ABCA1: variants seen among roughly 807,000 people sequenced by gnomAD.
The protein encoded by ABCA1 is phospholipid-transporting ATPase ABCA1.
In ABCA1, 133 loss-of-function variants were observed where a neutral mutation model predicts 262.5. That is an observed-to-expected ratio of 0.51 (90% confidence interval 0.44 to 0.59). The LOEUF (loss-of-function observed/expected upper bound fraction) is 0.59. Among genes scored for constraint, ABCA1 ranks in the 20% least tolerant of loss-of-function variants. The pLI is 0.00. For missense variants in ABCA1, 2,452 were observed against 2,777.5 expected (o/e 0.88, Z 2.63); for synonymous variants, 1,022 against 1,043.5 (o/e 0.98, Z 0.40).
chr9:104,841,522 G>A (rs1401879356), intron 8 of ABCA1, among the ~76,000 whole-genome samples: 1 of 152,182 alleles, frequency 6.6e-6, no homozygotes, highest in Non-Finnish European at 1.5e-5. Flanking sequence ...CCTTTGAAAA[G>A]TCACGTCATG....
intron 31 of ABCA1, 50 bp downstream of exon 31, chr9:104,806,191 C>G (rs747090799): frequency 6.4e-7 from 1 of 1,572,532 alleles, no homozygotes; most frequent in East Asian, 2.2e-5. Flanking sequence ...CGGAAGCTAC[C>G]AGCCCATCCT....
At chr9:104,862,849 C>T (rs1937540002) in intron 5 of ABCA1, among the ~76,000 whole-genome samples, 1 of 148,710 alleles carries the variant, frequency 6.7e-6, no homozygotes, top group South Asian at 2.2e-4. Flanking sequence ...TTGACAAACA[C>T]TGGCAGAGTG....
In ABCA1 at chr9:104,830,951, C is replaced by T; in HGVS notation, c.1866G>A (p.Met622Ile). The T allele has an allele frequency of 6.2e-7, 1 of 1,613,904 alleles. No individual in the cohort carries two copies. The highest frequency in any genetic ancestry group is 8.5e-7 in the Non-Finnish European group (1 of 1,179,964). ...EKKTGVYMQQ[M>I]PYPCYVDDIF... ...TGTCATCAACGTAACAGGGATAGGG[C>T]ATCTGTTGCATATAGACACCAGTTT... The change falls in exon 14 of 50, where the codon ATG (methionine) becomes ATA (isoleucine). Residue 622 changes from methionine to isoleucine, a missense_variant. Coordinates refer to ENST00000374736, the MANE Select transcript of ABCA1 (RefSeq NM_005502.4).
chr9:104,911,174 C>T lies in ABCA1; in HGVS notation c.-92-7403G>A, dbSNP rs1841474216. ...TGGATTTAACTACATCAGATATGAA[C>T]TGAAAATACATTGGTGCCAAAGCTC... On this transcript the variant is annotated intron_variant, in intron 1 of 49. Transcript: ENST00000374736. Among the ~76,000 whole-genome samples, 3 of 152,298 alleles carry T rather than the reference C, an allele frequency of 2.0e-5. No homozygotes were observed. The South Asian group carries it at 6.2e-4, about 32-fold the overall frequency.
At position 104,806,280 on chromosome 9, in the gene ABCA1, A is replaced by G; in HGVS notation, c.4425T>C (p.Pro1475=). The G allele has an allele frequency of 1.9e-6, 3 of 1,613,832 alleles. No homozygotes were observed. Among genetic ancestry groups the G allele is most frequent in the East Asian group, 4.5e-5 (2 of 44,868 alleles). The change falls in exon 31 of 50, where the codon CCT becomes CCC. Residue 1475 remains proline (P), a synonymous_variant. Transcript: ENST00000374736. ...CSSDKIKKML[P]VCPPGAGGLP... is the part of the protein sequence containing the mutation. The stretch of plus-strand genomic sequence containing the variant: ...GCCCCCCTGCCCCTGGGGGACACAC[A>G]GGCAGCATCTTCTTGATTTTGTCGC...
chr9:104,861,995 T>C (rs1836439997), intron 5 of ABCA1, among the ~76,000 whole-genome samples, 195 bp from the exon 6 acceptor site: 1 of 151,956 alleles, frequency 6.6e-6, no homozygotes, highest in Admixed American at 6.6e-5. Context: ...TCTGGTAACA[T>C]GTTGAGCCAC....
chr9:104,787,822 A>G (rs1829056903), intron 46 of ABCA1, 98 bp downstream of exon 46: 1 of 1,612,358 alleles, frequency 6.2e-7, no homozygotes, highest in Admixed American at 1.7e-5. Context: ...GGGGAAGACA[A>G]GCCAATCATA....
At chr9:104,800,418 C>T in intron 35 of ABCA1, 92 bp downstream of exon 35, 3 of 1,213,462 alleles carry the variant, frequency 2.5e-6, no homozygotes, top group South Asian at 1.2e-5. Flanking sequence ...TTGTGAATGC[C>T]CCTGCCAACT....
intron 5 of ABCA1, among the ~76,000 whole-genome samples, chr9:104,879,084 AAG>A (rs1838398688): frequency 6.6e-6 from 1 of 151,742 alleles, no homozygotes; most frequent in Non-Finnish European, 1.5e-5. Flanking sequence ...AAAAAAAAAA[AAG>A]AAAGAAAAGA....
chr9:104,899,510 AT>A (rs749488023), intron 2 of ABCA1, among the ~76,000 whole-genome samples: 6 of 152,090 alleles, frequency 3.9e-5, no homozygotes, highest in Non-Finnish European at 8.8e-5. Flanking sequence ...CCTGGCCAAC[AT>A]GCTAAAACCA....
In ABCA1 at chr9:104,792,911, G is replaced by A. The variant is rs1010244291; in HGVS notation, c.5637-5C>T. ...GATAGCTTTGCATTTACAGGTCTTG[G>A]GGGAAAAAACAAGAAAAATGAACCT... On this transcript the variant is annotated splice_polypyrimidine_tract_variant and splice_region_variant and intron_variant, in intron 41 of 49. Coordinates refer to ENST00000374736, the MANE Select transcript of ABCA1 (RefSeq NM_005502.4). 4 of 1,613,724 alleles carry A rather than the reference G, an allele frequency of 2.5e-6. No homozygotes were observed. Among genetic ancestry groups the A allele is most frequent in the Non-Finnish European group, 3.4e-6 (4 of 1,179,942 alleles).
chr9:104,837,531 G>C lies in ABCA1; in HGVS notation c.1091C>G (p.Ser364Cys), dbSNP rs775035559. Residue 364 changes from serine to cysteine, a missense_variant, in exon 10 of 50, where the codon TCT becomes TGT. By Grantham distance (112) the Ser-to-Cys change is moderately radical (BLOSUM62 -1). Coordinates refer to ENST00000374736, the MANE Select transcript of ABCA1 (RefSeq NM_005502.4). ...YCNDLMKNLE[S>C]SPLSRIIWKA... ...CCAGATAATGCGGGAAAGAGGACTA[G>C]ACTCCAAATTCTTCATCAAATCATT... is the stretch of plus-strand genomic sequence containing the variant. The C allele has an allele frequency of 3.1e-6, 5 of 1,614,028 alleles. No homozygotes were observed. The highest frequency in any genetic ancestry group is 4.2e-6 in the Non-Finnish European group (5 of 1,180,040).
intron 44 of ABCA1, among the ~76,000 whole-genome samples, chr9:104,789,791 TCCA>T (rs1053195119): frequency 9.9e-5 from 15 of 152,066 alleles, no homozygotes; most frequent in Non-Finnish European, 2.1e-4. Context: ...GTACTATCTC[TCCA>T]CATAATAAGT....
At chr9:104,860,331 G>A (rs1440494539) in intron 6 of ABCA1, among the ~76,000 whole-genome samples, 1 of 152,170 alleles carries the variant, frequency 6.6e-6, no homozygotes, top group Admixed American at 6.5e-5. Context: ...TGGAAATTAT[G>A]CTAAATGCAA....
rs375231850 is a variant in ABCA1 at position 104,874,854 on chromosome 9, C to T, written c.421+8185G>A. ...CCAGCCCCCGCCCGGCCAGCCACCC[C>T]GTCCGGGAGGGAGGTGGGGGGCAGC... On this transcript the variant is annotated intron_variant, in intron 5 of 49. Coordinates refer to ENST00000374736, the MANE Select transcript of ABCA1 (RefSeq NM_005502.4). Among the ~76,000 whole-genome samples, 628 of 140,034 alleles carry T rather than the reference C, an allele frequency of 4.5e-3. 9 individuals carry two copies. The highest frequency in any genetic ancestry group is 0.031 in the East Asian group (160 of 5,084). The allele number at this position is 140,034 out of a possible 152,430, so 91.9% of individuals were successfully genotyped here. A position where few individuals can be genotyped will look rare whatever the true frequency, so the allele number is the denominator to read the frequency against.
intron 1 of ABCA1, among the ~76,000 whole-genome samples, chr9:104,924,870 C>T (rs56042940): frequency 0.13 from 19,811 of 152,048 alleles, 1,503 homozygotes; most frequent in Admixed American, 0.24. Context: ...GAAAAATATC[C>T]CAACCAACTC....
Position 104,816,332 on chromosome 9 carries a change from G to T in ABCA1, c.3549C>A (p.Ile1183=). ...SDTLTIDVSA[I]SNLIRKHVSE... ...ACACATGCTTCCTGATGAGGTTGGA[G>T]ATAGCAGAGACATCTGCAGGGACCA... Residue 1183 remains isoleucine, a synonymous_variant, in exon 25 of 50, where the codon ATC becomes ATA. Coordinates refer to ENST00000374736, the MANE Select transcript of ABCA1 (RefSeq NM_005502.4). 1 of 1,613,810 alleles carries T rather than the reference G, an allele frequency of 6.2e-7. No homozygotes were observed. Among genetic ancestry groups the T allele is most frequent in the Admixed American group, 1.7e-5 (1 of 60,014 alleles).
intron 20 of ABCA1, 50 bp downstream of exon 20, chr9:104,821,325 C>T (rs772868442): frequency 1.9e-6 from 3 of 1,599,660 alleles, no homozygotes; most frequent in Non-Finnish European, 2.6e-6. Context: ...GATGGCATGA[C>T]ACACACACAT....
intron 2 of ABCA1, among the ~76,000 whole-genome samples, chr9:104,902,127 C>A (rs1208683542): frequency 1.3e-5 from 2 of 152,116 alleles, no homozygotes; most frequent in Non-Finnish European, 1.5e-5. Context: ...ATACATATTG[C>A]TGAGGGATTA....
Sources: gnomAD v4.1 joint callset for allele counts (sites outside exome capture counted in the v4.1 genomes callset) on GRCh38, gnomAD v4.1.1 for gene constraint, MANE v1.5 for transcripts, NCBI Gene and HGNC (gene_info 2026-07-23, HGNC 2026-07-21) for gene names.